S100Z: variants seen among roughly 807,000 people sequenced by gnomAD.
S100Z encodes the protein S100 calcium binding protein Z, also known as protein S100-Z.
Under a neutral mutation model 8.5 loss-of-function variants are expected in S100Z, and 11 were observed. The ratio of observed to expected loss-of-function variants is 1.30; its 90% confidence interval spans 0.82 to 2.15. The LOEUF is 2.15. S100Z is among the 30% of genes most tolerant of loss of function. S100Z has a pLI of 0.00. For missense variants in S100Z, 126 were observed against 117.9 expected, an observed-to-expected ratio of 1.07 and a Z score of -0.32; for synonymous variants, 34 against 43.8, an observed-to-expected ratio of 0.78 and a Z score of 0.89.
At chr5:76,906,927 G>A (rs80074500) in intron 4 of S100Z, among the ~76,000 whole-genome samples, 2,273 of 146,288 alleles carry the variant, frequency 0.016, 60 homozygotes, top group East Asian at 0.11. Flanking sequence ...CATTGCCCCC[G>A]CCAAATTTCC....
intron 4 of S100Z, among the ~76,000 whole-genome samples, chr5:76,901,964 G>T (rs1744244805): frequency 6.6e-6 from 1 of 152,120 alleles, no homozygotes; most frequent in African/African-American, 2.4e-5. Flanking sequence ...CTTCAAGGCA[G>T]CAGGTTCCCT....
intron 1 of S100Z, among the ~76,000 whole-genome samples, chr5:76,869,307 G>T (rs1224081837): frequency 6.6e-6 from 1 of 152,180 alleles, no homozygotes; most frequent in African/African-American, 2.4e-5. Flanking sequence ...CAAACATAAG[G>T]TAGGAAATAG....
chr5:76,915,439 T>TA (rs1194447950), intron 4 of S100Z, among the ~76,000 whole-genome samples: 121 of 150,200 alleles, frequency 8.1e-4, no homozygotes, highest in Non-Finnish European at 1.3e-3. Flanking sequence ...CCCTCTCCAC[T>TA]AAAAAAAATA....
At chr5:76,900,570 C>T (rs190721231) in intron 4 of S100Z, among the ~76,000 whole-genome samples, 19 of 152,138 alleles carry the variant, frequency 1.2e-4, no homozygotes, top group Admixed American at 5.2e-4. Flanking sequence ...AGAATTTCTG[C>T]TTGGTTCTTT....
intron 4 of S100Z, among the ~76,000 whole-genome samples, chr5:76,891,543 A>C (rs2150661332): frequency 6.6e-6 from 1 of 152,280 alleles, no homozygotes; most frequent in African/African-American, 2.4e-5. Flanking sequence ...CAGCTTCAGT[A>C]AGTCGGGGTG....
At chr5:76,891,673 G>A (rs1006728431) in intron 4 of S100Z, among the ~76,000 whole-genome samples, 2 of 152,120 alleles carry the variant, frequency 1.3e-5, no homozygotes, top group African/African-American at 4.8e-5. Context: ...GGAGTCGTTT[G>A]GAAACACTGG....
chr5:76,935,769 CTT>C, the S100Z span, among the ~76,000 whole-genome samples: 14,322 of 143,180 alleles, frequency 0.1, 715 homozygotes, highest in Middle Eastern at 0.15. Context: ...AAAATAATGA[CTT>C]TTTTTTTTTT....
chr5:76,914,877 G>T (rs538800131), intron 4 of S100Z, among the ~76,000 whole-genome samples: 35 of 152,236 alleles, frequency 2.3e-4, no homozygotes, highest in Non-Finnish European at 4.1e-4. Flanking sequence ...CCAGAAGGAA[G>T]AAACTCCGGA....
At chr5:76,941,714 C>T in the S100Z span, among the ~76,000 whole-genome samples, 1 of 145,712 alleles carries the variant, frequency 6.9e-6, no homozygotes, top group Non-Finnish European at 1.5e-5. Context: ...CCACTCCACC[C>T]CTCCCTTCCC....
At chr5:76,863,498 G>T (rs568923750) in intron 1 of S100Z, among the ~76,000 whole-genome samples, 1 of 152,160 alleles carries the variant, frequency 6.6e-6, no homozygotes, top group Non-Finnish European at 1.5e-5. Flanking sequence ...AATATTTTGA[G>T]CATGTGTCCT....
chr5:76,885,193 G>A (rs1743559171), intron 4 of S100Z, among the ~76,000 whole-genome samples: 1 of 152,178 alleles, frequency 6.6e-6, no homozygotes, highest in African/African-American at 2.4e-5. Context: ...TGAGGACACA[G>A]GCTAAGGGAG....
intron 4 of S100Z, among the ~76,000 whole-genome samples, chr5:76,880,832 A>G (rs755493676): frequency 6.6e-6 from 1 of 152,224 alleles, no homozygotes; most frequent in Non-Finnish European, 1.5e-5. Flanking sequence ...TCATTTAAAA[A>G]TATACAGAGT....
At chr5:76,918,874 A>T (rs1744942865) in intron 4 of S100Z, among the ~76,000 whole-genome samples, 1 of 152,218 alleles carries the variant, frequency 6.6e-6, no homozygotes, top group Non-Finnish European at 1.5e-5. Flanking sequence ...TGTCCCTGGC[A>T]ATCACCAATC....
intron 4 of S100Z, among the ~76,000 whole-genome samples, chr5:76,886,562 C>T (rs568003508): frequency 8.5e-5 from 13 of 152,220 alleles, no homozygotes; most frequent in Admixed American, 3.9e-4. Context: ...GAAGGAGTCC[C>T]GCTGACCGGG....
intron 1 of S100Z, among the ~76,000 whole-genome samples, chr5:76,857,216 T>C (rs568812204): frequency 6.6e-6 from 1 of 151,872 alleles, no homozygotes; most frequent in Non-Finnish European, 1.5e-5. Context: ...CGCTTGACCC[T>C]GGGAGGTGGA....
At chr5:76,937,396 C>G in the S100Z span, among the ~76,000 whole-genome samples, 1 of 151,540 alleles carries the variant, frequency 6.6e-6, no homozygotes, top group Non-Finnish European at 1.5e-5. Context: ...TTTTATTATT[C>G]TTATTTAAAT....
the S100Z span, among the ~76,000 whole-genome samples, chr5:76,936,545 T>A: frequency 6.6e-6 from 1 of 151,498 alleles, no homozygotes; most frequent in Non-Finnish European, 1.5e-5. Context: ...CAAAAAAATA[T>A]TTGTGAAGTG....
At chr5:76,931,559 G>A in the S100Z span, among the ~76,000 whole-genome samples, 1 of 152,180 alleles carries the variant, frequency 6.6e-6, no homozygotes, top group South Asian at 2.1e-4. Context: ...AATTAGTGGG[G>A]AGGGGCACAG....
chr5:76,935,293 G>A, the S100Z span, among the ~76,000 whole-genome samples: 4 of 152,152 alleles, frequency 2.6e-5, no homozygotes, highest in African/African-American at 4.8e-5. Context: ...TTGCATAATC[G>A]ATTTAACACA....
Sources: gnomAD v4.1 joint callset for allele counts (sites outside exome capture counted in the v4.1 genomes callset) on GRCh38, gnomAD v4.1.1 for gene constraint, MANE v1.5 for transcripts, NCBI Gene and HGNC (gene_info 2026-07-23, HGNC 2026-07-21) for gene names.